CD96: variants seen among roughly 807,000 people sequenced by gnomAD.
CD96 encodes the protein T-cell surface protein tactile.
Under a neutral mutation model 71.3 loss-of-function variants are expected in CD96, and 70 were observed. That is an observed-to-expected ratio of 0.98 (90% CI 0.81 to 1.20). The LOEUF is 1.20. Ranked by LOEUF, CD96 falls within the 50% of genes most tolerant of loss-of-function variation. The probability of loss-of-function intolerance (pLI) is 0.00; values close to 1 mark genes in which losing one functional copy is unlikely to be tolerated. For synonymous variants in CD96, 248 were observed against 233.0 expected, an observed-to-expected ratio of 1.06 and a Z score of -0.59; for missense variants, 742 against 677.5, an observed-to-expected ratio of 1.10 and a Z score of -1.06.
chr3:111,593,965 G>A, intron 5 of CD96: 3 of 1,614,124 alleles, frequency 1.9e-6, no homozygotes, highest in African/African-American at 2.7e-5. Context: ...TGCCACACAG[G>A]CGGCAGGTGG....
At chr3:111,636,435 A>G (rs1330423545) in intron 10 of CD96, among the ~76,000 whole-genome samples, 1 of 152,230 alleles carries the variant, frequency 6.6e-6, no homozygotes, top group Non-Finnish European at 1.5e-5. Context: ...ATATATTTGT[A>G]CTGATTACAA....
At chr3:111,654,748 C>T (rs1940188207), downstream of CD96, among the ~76,000 whole-genome samples, 1 of 152,204 alleles carries the variant, frequency 6.6e-6, no homozygotes, top group Non-Finnish European at 1.5e-5. Flanking sequence ...AACTTATGCA[C>T]ATTTGCCCTG....
At chr3:111,547,170 G>A (rs115577524) in intron 2 of CD96, among the ~76,000 whole-genome samples, 42 of 152,232 alleles carry the variant, frequency 2.8e-4, no homozygotes, top group African/African-American at 9.6e-4. Flanking sequence ...CACTAGCTTG[G>A]TGATTAAATG....
intron 3 of CD96, among the ~76,000 whole-genome samples, chr3:111,577,735 A>G (rs1025088805): frequency 8.5e-5 from 13 of 152,162 alleles, no homozygotes; most frequent in Non-Finnish European, 1.8e-4. Flanking sequence ...TAAGAAGTCT[A>G]CCTTAGTCCA....
At chr3:111,617,607 G>A (rs1938308462) in intron 8 of CD96, among the ~76,000 whole-genome samples, 1 of 152,136 alleles carries the variant, frequency 6.6e-6, no homozygotes, top group Non-Finnish European at 1.5e-5. Flanking sequence ...GACACTCATT[G>A]GGACAGCCTG....
rs781719634 is a variant in CD96, at chr3:111,638,063, C to T, written c.1388-16C>T. 7 of 1,426,236 alleles carry T rather than the reference C, an allele frequency of 4.9e-6. No individual in the cohort carries two copies. The East Asian group carries it at 1.1e-4, about 23-fold the overall frequency. 88.3% of individuals were successfully genotyped at this position (1,426,236 alleles called of 1,614,324 possible). ...AGTTGAGATGTCTTGTCCAGATATC[C>T]CCTTTATATCCCTAGACAATGTCTT... On this transcript the variant is annotated splice_polypyrimidine_tract_variant and intron_variant, in intron 11 of 13. Coordinates refer to ENST00000352690, the MANE Select transcript of CD96 (RefSeq NM_005816.5).
intron 3 of CD96, 108 bp downstream of exon 3, chr3:111,567,755 G>A (rs1286909848): frequency 6.9e-6 from 7 of 1,019,414 alleles, no homozygotes; most frequent in African/African-American, 1.6e-5. Flanking sequence ...TAACAGGCAG[G>A]CATTATGCCA....
chr3:111,626,681 T>C (rs1268019917), intron 10 of CD96, among the ~76,000 whole-genome samples: 1 of 152,162 alleles, frequency 6.6e-6, no homozygotes, highest in South Asian at 2.1e-4. Flanking sequence ...GTAATCTAAA[T>C]GGCCATAGTC....
intron 8 of CD96, among the ~76,000 whole-genome samples, chr3:111,622,689 T>G (rs1008860949): frequency 1.3e-5 from 2 of 152,254 alleles, no homozygotes; most frequent in African/African-American, 4.8e-5. Flanking sequence ...TATCATACTG[T>G]AATGATATTT....
chr3:111,542,766 G>C (rs955205988), intron 1 of CD96, among the ~76,000 whole-genome samples: 2 of 152,148 alleles, frequency 1.3e-5, no homozygotes, highest in African/African-American at 4.8e-5. Context: ...CAAATACTAA[G>C]GTCTTTGGGA....
intron 12 of CD96, among the ~76,000 whole-genome samples, chr3:111,646,847 A>C (rs1939851118): frequency 6.6e-6 from 1 of 152,124 alleles, no homozygotes; most frequent in Non-Finnish European, 1.5e-5. Flanking sequence ...TGGATAAAGA[A>C]AACGTGGTAC....
At chr3:111,602,926 T>C (rs983710168) in intron 7 of CD96, among the ~76,000 whole-genome samples, 1 of 151,928 alleles carries the variant, frequency 6.6e-6, no homozygotes, top group Admixed American at 6.6e-5. Flanking sequence ...CAGAAAAGGG[T>C]ATTAATGTTG....
chr3:111,577,933 G>A (rs1936291852), intron 3 of CD96, among the ~76,000 whole-genome samples: 1 of 152,130 alleles, frequency 6.6e-6, no homozygotes, highest in South Asian at 2.1e-4. Context: ...CTGTACACAA[G>A]GATTCATCTG....
At chr3:111,583,291 C>T (rs1484251667) in intron 4 of CD96, among the ~76,000 whole-genome samples, 1 of 152,208 alleles carries the variant, frequency 6.6e-6, no homozygotes, top group African/African-American at 2.4e-5. Flanking sequence ...TTAGGCAGTT[C>T]TGTCCCTGTG....
chr3:111,587,773 C>T (rs114405536), intron 5 of CD96, among the ~76,000 whole-genome samples: 44 of 152,324 alleles, frequency 2.9e-4, no homozygotes, highest in African/African-American at 1.0e-3. Flanking sequence ...CTGAACACCA[C>T]GTGGAAGCTT....
At chr3:111,654,148 G>A (rs969536325), downstream of CD96, among the ~76,000 whole-genome samples, 2 of 152,172 alleles carry the variant, frequency 1.3e-5, no homozygotes, top group Admixed American at 6.5e-5. Flanking sequence ...TGAGACGAGG[G>A]CTGAAATGCA....
At chr3:111,568,378 C>T (rs60973340) in intron 3 of CD96, among the ~76,000 whole-genome samples, 4,625 of 152,270 alleles carry the variant, frequency 0.03, 171 homozygotes, top group East Asian at 0.15. Flanking sequence ...TTTGCTAAGA[C>T]ACTGTAAAAT....
intron 10 of CD96, chr3:111,633,829 T>C (rs1166697907): frequency 1.3e-5 from 2 of 152,776 alleles, no homozygotes; most frequent in East Asian, 1.9e-4. Flanking sequence ...AAAATTCCTG[T>C]GTCCAGGCCT....
downstream of CD96, among the ~76,000 whole-genome samples, chr3:111,654,840 A>T (rs560540228): frequency 6.6e-6 from 1 of 152,262 alleles, no homozygotes; most frequent in East Asian, 1.9e-4. Context: ...ATGCCATTCA[A>T]CTATCACCAG....
Sources: gnomAD v4.1 joint callset for allele counts (sites outside exome capture counted in the v4.1 genomes callset) on GRCh38, gnomAD v4.1.1 for gene constraint, MANE v1.5 for transcripts, NCBI Gene and HGNC (gene_info 2026-07-23, HGNC 2026-07-21) for gene names.